EPHA7: variants seen among roughly 807,000 people sequenced by gnomAD.
EPHA7 encodes EPH receptor A7.
In EPHA7, 25 loss-of-function variants were observed where a neutral mutation model predicts 112.6. The observed-to-expected ratio is 0.22, with a 90% confidence interval of 0.16 to 0.31. EPHA7 has a LOEUF of 0.31. Ranked by LOEUF, EPHA7 falls within the 10% of genes least tolerant of loss-of-function variation. The pLI is 1.00. For missense variants in EPHA7, 962 were observed against 1,212.6 expected (o/e 0.79, Z 3.07); for synonymous variants, 437 against 406.5 (o/e 1.07, Z -0.90).
intron 8 of EPHA7, 26 bp from the exon 9 acceptor site, chr6:93,263,941 T>A: frequency 8.8e-6 from 14 of 1,587,794 alleles, no homozygotes; most frequent in Non-Finnish European, 1.2e-5. Flanking sequence ...TTTGTGACAA[T>A]CTCAGTCATT....
chr6:93,392,871 A>G (rs1177353810), intron 3 of EPHA7, among the ~76,000 whole-genome samples: 9 of 151,928 alleles, frequency 5.9e-5, no homozygotes, highest in Non-Finnish European at 1.3e-4. Context: ...TATGAAATCA[A>G]CAATCAATTT....
chr6:93,347,859 A>G (rs1775479681), intron 5 of EPHA7, among the ~76,000 whole-genome samples: 1 of 151,886 alleles, frequency 6.6e-6, no homozygotes, highest in South Asian at 2.1e-4. Context: ...CAGCAGTAGA[A>G]TAACTGGGTT....
chr6:93,268,826 A>G (rs937364590), intron 7 of EPHA7, among the ~76,000 whole-genome samples: 2 of 151,834 alleles, frequency 1.3e-5, no homozygotes, highest in African/African-American at 4.8e-5. Flanking sequence ...GGCTTCAAAG[A>G]TACTGGTTAT....
chr6:93,405,836 T>TATATAG (rs1778691367), intron 3 of EPHA7, among the ~76,000 whole-genome samples: 1 of 129,022 alleles, frequency 7.8e-6, no homozygotes, highest in South Asian at 2.5e-4. Context: ...TATATATATA[T>TATATAG]ATATATATAT....
chr6:93,371,211 T>C (rs1330303230), intron 3 of EPHA7, among the ~76,000 whole-genome samples: 1 of 150,764 alleles, frequency 6.6e-6, no homozygotes, highest in African/African-American at 2.4e-5. Flanking sequence ...CTGTATCCAC[T>C]GGTTCTGCAT....
intron 5 of EPHA7, among the ~76,000 whole-genome samples, chr6:93,285,744 T>C (rs1772030161): frequency 6.6e-6 from 1 of 152,166 alleles, no homozygotes; most frequent in Admixed American, 6.5e-5. Flanking sequence ...ACATATGAAG[T>C]TCCGGCTTTA....
intron 3 of EPHA7, among the ~76,000 whole-genome samples, chr6:93,385,654 T>C (rs1431338076): frequency 1.3e-5 from 2 of 152,040 alleles, no homozygotes; most frequent in African/African-American, 4.8e-5. Flanking sequence ...CATGAGGCTT[T>C]TTCTTTGTAA....
In EPHA7 at chr6:93,259,344, A is replaced by G; in HGVS notation, c.1924+10T>C. The G allele has an allele frequency of 1.9e-6, 3 of 1,610,866 alleles. No individual in the cohort carries two copies. Among genetic ancestry groups the G allele is most frequent in the Admixed American group, 1.7e-5 (1 of 59,842 alleles). On this transcript the variant is annotated intron_variant, in intron 10 of 16. Coordinates refer to ENST00000369303, the MANE Select transcript of EPHA7 (RefSeq NM_004440.4). ...GGAACAGCTGAACGAGGAAGCTACAATAGCCTTACCTGCACCAATCACACG... is the reference window on the plus strand; with the variant it reads ...GGAACAGCTGAACGAGGAAGCTACAGTAGCCTTACCTGCACCAATCACACG...
intron 3 of EPHA7, among the ~76,000 whole-genome samples, chr6:93,399,057 T>C (rs1022855521): frequency 1.3e-5 from 2 of 152,078 alleles, no homozygotes; most frequent in Non-Finnish European, 1.5e-5. Flanking sequence ...TGATTGCCCC[T>C]TTTCCCTTGC....
At chr6:93,346,546 G>A (rs1043068671) in intron 5 of EPHA7, among the ~76,000 whole-genome samples, 2 of 151,678 alleles carry the variant, frequency 1.3e-5, no homozygotes, top group Non-Finnish European at 2.9e-5. Context: ...TGTATTCTTG[G>A]CAGGGTATTA....
intron 14 of EPHA7, among the ~76,000 whole-genome samples, chr6:93,253,694 C>T (rs952737695): frequency 2.6e-5 from 4 of 152,046 alleles, no homozygotes; most frequent in African/African-American, 9.7e-5. Flanking sequence ...GGTCTTCATA[C>T]ACCTCTAAAC....
intron 3 of EPHA7, among the ~76,000 whole-genome samples, chr6:93,400,904 A>G (rs1017997360): frequency 6.6e-6 from 1 of 152,138 alleles, no homozygotes; most frequent in Non-Finnish European, 1.5e-5. Context: ...CATTCAACTT[A>G]AAAATGATAA....
chr6:93,381,682 A>G (rs895016310), intron 3 of EPHA7, among the ~76,000 whole-genome samples: 1 of 152,062 alleles, frequency 6.6e-6, no homozygotes, highest in African/African-American at 2.4e-5. Context: ...TAGGAGAAAA[A>G]ACAATTACAT....
chr6:93,329,028 T>C (rs1774459028), intron 5 of EPHA7, among the ~76,000 whole-genome samples: 1 of 151,446 alleles, frequency 6.6e-6, no homozygotes, highest in Admixed American at 6.6e-5. Context: ...AAAATAACTT[T>C]AACAATAACA....
intron 3 of EPHA7, among the ~76,000 whole-genome samples, chr6:93,403,862 G>A (rs1005061197): frequency 6.6e-6 from 1 of 151,980 alleles, no homozygotes; most frequent in Non-Finnish European, 1.5e-5. Flanking sequence ...TGAAAAAGAA[G>A]CTAGGGAAGC....
intron 9 of EPHA7, among the ~76,000 whole-genome samples, chr6:93,260,209 A>G (rs1770624340): frequency 6.6e-6 from 1 of 151,968 alleles, no homozygotes; most frequent in African/African-American, 2.4e-5. Flanking sequence ...TGAACTTTCA[A>G]TTATAAGGCT....
At chr6:93,369,100 ATGT>A (rs1272286965) in intron 3 of EPHA7, among the ~76,000 whole-genome samples, 2 of 151,970 alleles carry the variant, frequency 1.3e-5, no homozygotes, top group South Asian at 2.1e-4. Flanking sequence ...GCTTAGAAAA[ATGT>A]TGTTGAGCTC....
chr6:93,252,175 T>G (rs558127301), intron 14 of EPHA7, among the ~76,000 whole-genome samples: 18 of 152,086 alleles, frequency 1.2e-4, no homozygotes, highest in Non-Finnish European at 2.2e-4. Context: ...AAACCTCACT[T>G]TATCCAGCAT....
At chr6:93,329,429 T>A (rs1325451824) in intron 5 of EPHA7, among the ~76,000 whole-genome samples, 1 of 151,444 alleles carries the variant, frequency 6.6e-6, no homozygotes, top group Non-Finnish European at 1.5e-5. Flanking sequence ...ACAATTATCA[T>A]TTTTAGACAT....
Sources: allele counts gnomAD v4.1 joint callset (sites outside exome capture counted in the v4.1 genomes callset), GRCh38; gene constraint gnomAD v4.1.1; transcripts MANE v1.5; gene names NCBI Gene and HGNC (gene_info 2026-07-23, HGNC 2026-07-21).